The following LGALS9C variants were observed in gnomAD, a reference collection of about 807,000 sequenced individuals.
The protein encoded by LGALS9C is galectin 9C, also known as galectin-9C.
A neutral mutation model predicts 41.3 loss-of-function variants in LGALS9C; 7 were observed. The observed-to-expected ratio is 0.17, with a 90% CI of 0.10 to 0.32. The LOEUF (loss-of-function observed/expected upper bound fraction) is 0.32. Among genes scored for constraint, LGALS9C ranks in the 10% least tolerant of loss-of-function variants. LGALS9C has a pLI of 1.00. For synonymous variants in LGALS9C, 44 were observed against 171.0 expected, an observed-to-expected ratio of 0.26 and a Z score of 5.80; for missense variants, 102 against 455.2, an observed-to-expected ratio of 0.22 and a Z score of 7.06.
intron 1 of LGALS9C, among the ~76,000 whole-genome samples, chr17:18,483,266 G>T (rs1225868965): frequency 1.4e-5 from 2 of 139,472 alleles, no homozygotes; most frequent in African/African-American, 5.0e-5. Flanking sequence ...AGGGCATCTG[G>T]GAAGAGGCTC....
chr17:18,477,172 TG>T (rs1442917852), intron 1 of LGALS9C, among the ~76,000 whole-genome samples: 5 of 131,140 alleles, frequency 3.8e-5, no homozygotes, highest in Admixed American at 3.0e-4. Context: ...AGGTGTAGAG[TG>T]GGATGGTTTG....
At chr17:18,487,997 CTT>C (rs1989665806) in intron 4 of LGALS9C, among the ~76,000 whole-genome samples, 1 of 131,910 alleles carries the variant, frequency 7.6e-6, no homozygotes, top group Non-Finnish European at 1.8e-5. Context: ...TCAGCTGCCC[CTT>C]TCTCTTCATC....
intron 1 of LGALS9C, among the ~76,000 whole-genome samples, chr17:18,480,461 T>TG (rs1210673009): frequency 2.4e-5 from 2 of 84,940 alleles, no homozygotes; most frequent in Non-Finnish European, 6.1e-5. Context: ...TGGATGTTTC[T>TG]GGGGGGTCGC....
In LGALS9C at chr17:18,486,153, CCCCACCTCTCG is replaced by C. The variant is rs779017883; in HGVS notation, c.333+24_333+34del. ...ATTTCAAGGTAAGCAGGAATCCCCTCCCCACCTCTCGCCCACGGGACTCCCAGCCCTATCAG... is the reference window on the plus strand; with the variant it reads ...ATTTCAAGGTAAGCAGGAATCCCCTCCCCACGGGACTCCCAGCCCTATCAG... On this transcript the variant is annotated intron_variant, in intron 3 of 10. Transcript: ENST00000328114. 3.3e-6 allele frequency: 4 copies of C among 1,206,040 alleles called. No homozygotes were observed. The South Asian group carries it at 5.3e-5, about 16-fold the overall frequency. 74.7% of individuals were successfully genotyped at this position (1,206,040 alleles called of 1,614,324 possible). A position where few individuals can be genotyped will look rare whatever the true frequency, so the allele number is the denominator to read the frequency against.
At chr17:18,490,553 C>T (rs62076326) in intron 5 of LGALS9C, 180 bp from the exon 6 acceptor site, 193,459 of 602,356 alleles carry the variant, frequency 0.32, 17,105 homozygotes, top group Middle Eastern at 0.39. Context: ...GCCTTGTGCA[C>T]CTGAGGGTAA....
chr17:18,478,252 A>G (rs1567837809), intron 1 of LGALS9C, among the ~76,000 whole-genome samples: 1 of 129,124 alleles, frequency 7.7e-6, no homozygotes, highest in East Asian at 2.0e-4. Flanking sequence ...AGCTTCTTCC[A>G]GGTTCTGACA....
At chr17:18,484,844 A>G (rs1242468335) in intron 2 of LGALS9C, among the ~76,000 whole-genome samples, 1 of 149,950 alleles carries the variant, frequency 6.7e-6, no homozygotes, top group Non-Finnish European at 1.5e-5. Flanking sequence ...GAGAGCCTGC[A>G]GTGCCCCCAG....
chr17:18,486,765 G>C (rs1206097423), intron 3 of LGALS9C: 1 of 135,818 alleles, frequency 7.4e-6, no homozygotes, highest in African/African-American at 2.6e-5. Context: ...GAACATGGAT[G>C]GAGCTGGAAG....
At chr17:18,488,725 G>A (rs1287648428) in intron 4 of LGALS9C, among the ~76,000 whole-genome samples, 9 of 131,188 alleles carry the variant, frequency 6.9e-5, no homozygotes, top group Admixed American at 1.5e-4. Flanking sequence ...TCTCCCCTGC[G>A]GGTGGAAGGG....
chr17:18,482,637 C>T (rs1725670), intron 1 of LGALS9C, among the ~76,000 whole-genome samples: 14,871 of 121,394 alleles, frequency 0.12, 616 homozygotes, highest in Middle Eastern at 0.21. Flanking sequence ...AGGCGTGTGA[C>T]GTCTACTTTG....
At chr17:18,478,645 A>G (rs1989290841) in intron 1 of LGALS9C, among the ~76,000 whole-genome samples, 1 of 109,640 alleles carries the variant, frequency 9.1e-6, no homozygotes, top group African/African-American at 2.8e-5. Flanking sequence ...GCTGGGGGGA[A>G]GCTGGAACCA....
intron 1 of LGALS9C, among the ~76,000 whole-genome samples, chr17:18,480,125 G>A (rs1487021749): frequency 8.2e-6 from 1 of 121,296 alleles, no homozygotes; most frequent in African/African-American, 2.6e-5. Flanking sequence ...GGAGGATCGC[G>A]TGAGCCTGGG....
chr17:18,492,368 T>A (rs1230396595), intron 8 of LGALS9C, 89 bp from the exon 9 acceptor site: 11 of 1,483,682 alleles, frequency 7.4e-6, no homozygotes, highest in Non-Finnish European at 1.0e-5. Context: ...GCTGACAGCC[T>A]AAATTCATGG....
chr17:18,482,507 C>CAA (rs1166687895), intron 1 of LGALS9C, among the ~76,000 whole-genome samples: 420 of 94,152 alleles, frequency 4.5e-3, no homozygotes, highest in Middle Eastern at 6.8e-3. Context: ...GAAAGTTTTA[C>CAA]AAAAAAAAAA....
chr17:18,476,794 T>C lies in LGALS9C; in HGVS notation c.-61T>C. The C allele has an allele frequency of 6.8e-7, 1 of 1,480,040 alleles. No homozygotes were observed. Among genetic ancestry groups the C allele is most frequent in the Non-Finnish European group, 9.4e-7 (1 of 1,062,050 alleles). The allele number at this position is 1,480,040 out of a possible 1,614,324, so 91.7% of individuals were successfully genotyped here. A position where few individuals can be genotyped will look rare whatever the true frequency, so the allele number is the denominator to read the frequency against. ...TTCTATTACTTTGTTAAGTCATTCC[T>C]TCTGCAAAGGACTGCCTGGCAGGTG... On this transcript the variant is annotated 5_prime_UTR_variant, in exon 1 of 11. Transcript: ENST00000328114.
In LGALS9C at chr17:18,484,038, C is replaced by T. The variant is rs181082911; in HGVS notation, c.131+72C>T. 9.2e-5 allele frequency: 116 copies of T among 1,264,296 alleles called. 8 individuals are homozygous for T. The African/African-American group carries it at 1.5e-3, about 16-fold the overall frequency. 78.3% of individuals were successfully genotyped at this position (1,264,296 alleles called of 1,614,324 possible). On this transcript the variant is annotated intron_variant, in intron 2 of 10. Transcript: ENST00000328114. ...GTAAAGCCACTGTGCCTGTGAGCCT[C>T]GGCTAGTTCAAACAACAACATCCAA...
intron 5 of LGALS9C, chr17:18,489,797 A>AC (rs1247125126): frequency 1.0e-5 from 1 of 99,380 alleles, no homozygotes; most frequent in Non-Finnish European, 2.3e-5. Context: ...CTGTCACTCC[A>AC]CCCCCATCTC....
chr17:18,484,679 A>C (rs1043017717), intron 2 of LGALS9C, among the ~76,000 whole-genome samples: 2 of 150,212 alleles, frequency 1.3e-5, no homozygotes, highest in Admixed American at 1.3e-4. Context: ...GAGCCTCTGG[A>C]CTCATGGCTC....
Position 18,492,654 on chromosome 17 carries a change from C to T in LGALS9C, c.762-43C>T, listed in dbSNP as rs775412430. ...GGGATGATGGGGAGGAAATGGGGCT[C>T]AGAACTCAGTGGACAAAGGTCCAGG... On this transcript the variant is annotated intron_variant, in intron 9 of 10. Coordinates refer to ENST00000328114, the MANE Select transcript of LGALS9C (RefSeq NM_001040078.3). The T allele has an allele frequency of 4.6e-6, 7 of 1,514,312 alleles. No homozygotes were observed. In the South Asian group the frequency reaches 8.0e-5, roughly 17 times the overall value. 93.8% of individuals were successfully genotyped at this position (1,514,312 alleles called of 1,614,324 possible).
Sources: allele counts gnomAD v4.1 joint callset (sites outside exome capture counted in the v4.1 genomes callset), GRCh38; gene constraint gnomAD v4.1.1; transcripts MANE v1.5; gene names NCBI Gene and HGNC (gene_info 2026-07-23, HGNC 2026-07-21).